CTNNA2: variants seen among roughly 807,000 people sequenced by gnomAD.
CTNNA2 encodes the protein catenin alpha-2.
In CTNNA2, 42 loss-of-function variants were observed where a neutral mutation model predicts 101.0. The observed-to-expected ratio is 0.42, with a 90% CI of 0.32 to 0.54. CTNNA2 has a LOEUF of 0.54. CTNNA2 is among the 20% of genes least tolerant of loss of function. The probability of loss-of-function intolerance (pLI) is 0.14; values close to 1 mark genes in which losing one functional copy is unlikely to be tolerated. For missense variants in CTNNA2, 871 were observed against 1,223.1 expected, an observed-to-expected ratio of 0.71 and a Z score of 4.29; for synonymous variants, 450 against 456.4, an observed-to-expected ratio of 0.99 and a Z score of 0.18.
At chr2:79,379,089 T>C (rs1021568929) in intron 4 of CTNNA2, among the ~76,000 whole-genome samples, 3 of 152,186 alleles carry the variant, frequency 2.0e-5, no homozygotes, top group Non-Finnish European at 2.9e-5. Context: ...ATTTTAGATA[T>C]ATTTAAATAG....
intron 1 of CTNNA2, among the ~76,000 whole-genome samples, chr2:79,640,396 A>T (rs528227721): frequency 6.6e-6 from 1 of 152,310 alleles, no homozygotes; most frequent in African/African-American, 2.4e-5. Context: ...GAACTGAATC[A>T]AATATCACTA....
intron 3 of CTNNA2, among the ~76,000 whole-genome samples, chr2:79,328,463 G>C (rs536514124): frequency 5.9e-5 from 9 of 152,264 alleles, no homozygotes; most frequent in African/African-American, 2.2e-4. Flanking sequence ...TGAATTTGGG[G>C]ATCATATATC....
chr2:79,588,077 C>A (rs1159909590), intron 1 of CTNNA2, among the ~76,000 whole-genome samples: 1 of 152,094 alleles, frequency 6.6e-6, no homozygotes, highest in African/African-American at 2.4e-5. Flanking sequence ...GAAAGAAGGG[C>A]AGGAAGATTG....
chr2:80,023,121 A>G (rs1694690396), intron 7 of CTNNA2, among the ~76,000 whole-genome samples: 1 of 152,226 alleles, frequency 6.6e-6, no homozygotes, highest in African/African-American at 2.4e-5. Flanking sequence ...CTGGATTCTC[A>G]AAAGTGGTCC....
intron 4 of CTNNA2, among the ~76,000 whole-genome samples, chr2:79,377,222 A>G (rs1260721739): frequency 6.6e-6 from 1 of 152,166 alleles, no homozygotes; most frequent in Non-Finnish European, 1.5e-5. Context: ...GTTAATATAA[A>G]GTATCAGGGC....
intron 7 of CTNNA2, among the ~76,000 whole-genome samples, chr2:80,009,797 C>T (rs545457449): frequency 2.6e-5 from 4 of 151,602 alleles, no homozygotes; most frequent in South Asian, 2.1e-4. Flanking sequence ...AATACACTCT[C>T]ATCTAAGATT....
rs147718206 is a variant in CTNNA2 at position 80,433,556 on chromosome 2, A to T, written c.1290+13955A>T. On this transcript the variant is annotated intron_variant, in intron 9 of 18. Coordinates refer to ENST00000402739, the MANE Select transcript of CTNNA2 (RefSeq NM_001282597.3). ...ACAAGCAGAACAAGGAAGACTGGAG[A>T]GTTCATATGTTGGAGGAAAGTGGGA... Among the ~76,000 whole-genome samples the T allele has an allele frequency of 3.9e-3, 586 of 152,082 alleles. 7 individuals carry two copies. Among genetic ancestry groups the T allele is most frequent in the Non-Finnish European group, 6.8e-3 (463 of 67,998 alleles).
chr2:79,348,166 T>C (rs986516092), intron 3 of CTNNA2, among the ~76,000 whole-genome samples: 1 of 152,182 alleles, frequency 6.6e-6, no homozygotes, highest in African/African-American at 2.4e-5. Flanking sequence ...TGGACTCCTA[T>C]GAAAACAGTA....
intron 2 of CTNNA2, among the ~76,000 whole-genome samples, chr2:79,268,474 A>T (rs896633785): frequency 6.6e-6 from 1 of 152,130 alleles, no homozygotes; most frequent in Non-Finnish European, 1.5e-5. Context: ...TACAATGTAA[A>T]GCAGTGTTTC....
At chr2:80,074,685 C>T (rs1698564780) in intron 7 of CTNNA2, among the ~76,000 whole-genome samples, 1 of 152,102 alleles carries the variant, frequency 6.6e-6, no homozygotes, top group East Asian at 1.9e-4. Context: ...CTGCTTAAAC[C>T]TAAGGGGAAA....
intron 3 of CTNNA2, among the ~76,000 whole-genome samples, chr2:79,806,733 G>C (rs1574016456): frequency 6.6e-6 from 1 of 152,012 alleles, no homozygotes; most frequent in Admixed American, 6.5e-5. Context: ...CTTGGGGGTT[G>C]CTTCTGTGTA....
intron 2 of CTNNA2, among the ~76,000 whole-genome samples, chr2:79,215,545 A>T (rs538332782): frequency 6.6e-6 from 1 of 152,142 alleles, no homozygotes; most frequent in African/African-American, 2.4e-5. Context: ...TTGGGTAATA[A>T]AACGTATTTT....
intron 1 of CTNNA2, among the ~76,000 whole-genome samples, chr2:79,581,472 C>A (rs1413122383): frequency 2.0e-5 from 3 of 151,918 alleles, no homozygotes; most frequent in Non-Finnish European, 4.4e-5. Context: ...TTGCAGTGAA[C>A]CAAGATGGTA....
chr2:79,875,708 C>G (rs537744671), intron 6 of CTNNA2, among the ~76,000 whole-genome samples: 23 of 152,130 alleles, frequency 1.5e-4, no homozygotes, highest in Admixed American at 1.4e-3. Context: ...ATATGTATCT[C>G]ACACCATATA....
intron 3 of CTNNA2, among the ~76,000 whole-genome samples, chr2:79,785,392 G>A (rs907825187): frequency 6.6e-6 from 1 of 152,052 alleles, no homozygotes; most frequent in African/African-American, 2.4e-5. Flanking sequence ...CTGCTGTCTT[G>A]TGACCCTAAC....
intron 2 of CTNNA2, among the ~76,000 whole-genome samples, chr2:79,217,383 C>CG (rs1558576871): frequency 3.9e-5 from 6 of 151,972 alleles, no homozygotes; most frequent in East Asian, 1.9e-4. Flanking sequence ...CACCTGGGTG[C>CG]AGGGGGGCTG....
chr2:79,319,154 T>C (rs995328988), intron 3 of CTNNA2, among the ~76,000 whole-genome samples: 1 of 152,190 alleles, frequency 6.6e-6, no homozygotes, highest in Non-Finnish European at 1.5e-5. Flanking sequence ...ACAAAAATTA[T>C]GTGGACATTT....
chr2:80,090,537 T>C (rs138324909), intron 7 of CTNNA2, among the ~76,000 whole-genome samples: 3 of 152,208 alleles, frequency 2.0e-5, no homozygotes, highest in African/African-American at 7.2e-5. Flanking sequence ...GCTTGTGAAA[T>C]ACGTAGCAAG....
At chr2:80,394,286 A>G (rs1677797564) in intron 8 of CTNNA2, among the ~76,000 whole-genome samples, 1 of 152,208 alleles carries the variant, frequency 6.6e-6, no homozygotes, top group Non-Finnish European at 1.5e-5. Context: ...AATGATTTGA[A>G]TGAGAGGAAC....
Sources: gnomAD v4.1 joint callset for allele counts (sites outside exome capture counted in the v4.1 genomes callset) on GRCh38, gnomAD v4.1.1 for gene constraint, MANE v1.5 for transcripts, NCBI Gene and HGNC (gene_info 2026-07-23, HGNC 2026-07-21) for gene names.